The following VAT1L variants were observed in gnomAD, a reference collection of about 807,000 sequenced individuals.
The protein encoded by VAT1L is putative NADPH-dependent quinone oxidoreductase VAT1L.
A neutral mutation model predicts 44.1 loss-of-function variants in VAT1L; 34 were observed. The observed-to-expected ratio is 0.77, with a 90% CI of 0.59 to 1.03. VAT1L has a LOEUF of 1.03. Ranked by LOEUF, VAT1L falls within the 50% of genes least tolerant of loss-of-function variation. The pLI, the probability that VAT1L is intolerant of heterozygous loss-of-function variation, is 0.00. For synonymous variants in VAT1L, 253 were observed against 202.2 expected (o/e 1.25, Z -2.13); for missense variants, 615 against 538.8 (o/e 1.14, Z -1.40).
intron 7 of VAT1L, among the ~76,000 whole-genome samples, chr16:77,910,722 A>G (rs937211342): frequency 6.6e-6 from 1 of 151,750 alleles, no homozygotes; most frequent in African/African-American, 2.4e-5. Context: ...AGAATACACT[A>G]GGCATCAAAA....
chr16:77,936,953 T>C (rs1047119756), intron 7 of VAT1L, among the ~76,000 whole-genome samples: 6 of 152,196 alleles, frequency 3.9e-5, no homozygotes. Context: ...GGCACATTCT[T>C]GGCTCAGTGC....
At chr16:77,950,941 A>C (rs2018034992) in intron 7 of VAT1L, among the ~76,000 whole-genome samples, 1 of 152,210 alleles carries the variant, frequency 6.6e-6, no homozygotes, top group African/African-American at 2.4e-5. Context: ...GACTGTATTC[A>C]TCCTCCGGTA....
At chr16:77,833,479 G>A (rs189234102) in intron 3 of VAT1L, among the ~76,000 whole-genome samples, 6 of 151,528 alleles carry the variant, frequency 4.0e-5, no homozygotes, top group East Asian at 2.0e-4. Context: ...TGGGCTGGGC[G>A]TGGTGGCTTA....
At chr16:77,857,359 G>A (rs1223973864) in intron 3 of VAT1L, among the ~76,000 whole-genome samples, 6 of 152,120 alleles carry the variant, frequency 3.9e-5, no homozygotes, top group South Asian at 2.1e-4. Flanking sequence ...CATTCACCTC[G>A]GGAGTTGGAG....
intron 7 of VAT1L, among the ~76,000 whole-genome samples, chr16:77,887,205 T>C (rs776423654): frequency 1.8e-4 from 27 of 152,290 alleles, no homozygotes; most frequent in Non-Finnish European, 3.7e-4. Context: ...CAAAGGGGCA[T>C]TATTGTGAGC....
intron 6 of VAT1L, among the ~76,000 whole-genome samples, chr16:77,883,314 T>A (rs17718113): frequency 0.045 from 6,890 of 152,224 alleles, 270 homozygotes; most frequent in East Asian, 0.16. Context: ...GGAAAAGCAA[T>A]TAAATCATAA....
At chr16:77,817,167 T>C (rs2016371017) in intron 2 of VAT1L, 117 bp downstream of exon 2, 1 of 1,421,968 alleles carries the variant, frequency 7.0e-7, no homozygotes, top group Admixed American at 2.3e-5. Flanking sequence ...TATCATTGTC[T>C]TCTTATTTGG....
At chr16:77,923,750 T>C (rs2017636879) in intron 7 of VAT1L, among the ~76,000 whole-genome samples, 1 of 152,102 alleles carries the variant, frequency 6.6e-6, no homozygotes, top group Admixed American at 6.5e-5. Flanking sequence ...CTTCACACAG[T>C]TTTTGAAAAC....
intron 4 of VAT1L, among the ~76,000 whole-genome samples, chr16:77,865,209 G>C (rs1176744954): frequency 6.6e-6 from 1 of 151,960 alleles, no homozygotes; most frequent in Non-Finnish European, 1.5e-5. Flanking sequence ...TCCTGACCTC[G>C]TGATGCGCCC....
intron 4 of VAT1L, among the ~76,000 whole-genome samples, chr16:77,871,442 T>C (rs56712094): frequency 0.01 from 1,532 of 152,238 alleles, 38 homozygotes; most frequent in African/African-American, 0.035. Context: ...CCCCCAGCTT[T>C]TCTCATCCCT....
In VAT1L at chr16:77,860,763, A is replaced by G. The variant is rs188398754; in HGVS notation, c.580-1985A>G. ...AGGCAGGAGAATTAAACAAGTATCA[A>G]TGCTATTCTTAGGACAGAAAACTAT... On this transcript the variant is annotated intron_variant, in intron 3 of 8. Transcript: ENST00000302536. Among the ~76,000 whole-genome samples, 104 of 152,326 alleles carry G rather than the reference A, an allele frequency of 6.8e-4. 1 individual carries two copies. Among genetic ancestry groups the G allele is most frequent in the Non-Finnish European group, 3.5e-4 (24 of 68,032 alleles).
At chr16:77,852,382 G>C (rs548432731) in intron 3 of VAT1L, among the ~76,000 whole-genome samples, 7 of 152,346 alleles carry the variant, frequency 4.6e-5, no homozygotes, top group Admixed American at 2.6e-4. Flanking sequence ...ACCCAGCTGA[G>C]GGGGATCTGA....
chr16:77,947,261 TA>T (rs1451345246), intron 7 of VAT1L, among the ~76,000 whole-genome samples: 1 of 152,196 alleles, frequency 6.6e-6, no homozygotes, highest in East Asian at 1.9e-4. Context: ...TGGATGAAGA[TA>T]AATCAAATTA....
chr16:77,946,740 A>G (rs1232602116), intron 7 of VAT1L, among the ~76,000 whole-genome samples: 2 of 152,134 alleles, frequency 1.3e-5, no homozygotes, highest in African/African-American at 2.4e-5. Context: ...TACCTCCCCA[A>G]CTTACCAAAC....
chr16:77,881,622 C>G (rs947880899), intron 6 of VAT1L, among the ~76,000 whole-genome samples: 4 of 152,196 alleles, frequency 2.6e-5, no homozygotes, highest in Admixed American at 1.3e-4. Context: ...CCCAAACATT[C>G]TGGAATGGAT....
chr16:77,894,672 T>C (rs977294547), intron 7 of VAT1L, among the ~76,000 whole-genome samples: 6 of 152,120 alleles, frequency 3.9e-5, no homozygotes, highest in African/African-American at 1.4e-4. Context: ...GCTAAAAAAA[T>C]GGAATCATAC....
At chr16:77,823,091 C>G (rs960570048) in intron 2 of VAT1L, among the ~76,000 whole-genome samples, 3 of 151,900 alleles carry the variant, frequency 2.0e-5, no homozygotes, top group Admixed American at 6.6e-5. Context: ...GGATCCTGTT[C>G]CAGACACACA....
At chr16:77,790,009 C>T (rs972591804) in intron 1 of VAT1L, among the ~76,000 whole-genome samples, 3 of 152,164 alleles carry the variant, frequency 2.0e-5, no homozygotes, top group South Asian at 2.1e-4. Flanking sequence ...CTAGAGCCCC[C>T]CAGTACATAC....
chr16:77,849,919 G>A (rs2016792130), intron 3 of VAT1L, among the ~76,000 whole-genome samples: 1 of 152,204 alleles, frequency 6.6e-6, no homozygotes, highest in Non-Finnish European at 1.5e-5. Flanking sequence ...AATGATTTGA[G>A]CGTTTGAGTC....
Sources: allele counts gnomAD v4.1 joint callset (sites outside exome capture counted in the v4.1 genomes callset), GRCh38; gene constraint gnomAD v4.1.1; transcripts MANE v1.5; gene names NCBI Gene and HGNC (gene_info 2026-07-23, HGNC 2026-07-21).